The following PUS10 variants were observed in gnomAD, a reference collection of about 807,000 sequenced individuals.
The protein encoded by PUS10 is tRNA pseudouridine synthase Pus10.
PUS10 carries 59 observed loss-of-function variants against 75.0 expected under a neutral mutation model. That is an observed-to-expected ratio of 0.79 (90% confidence interval 0.64 to 0.98). PUS10 has a LOEUF of 0.98. Ranked by LOEUF, PUS10 falls within the 50% of genes least tolerant of loss-of-function variation. PUS10 has a pLI of 0.00. For missense variants in PUS10, 650 were observed against 614.4 expected (o/e 1.06, Z -0.61); for synonymous variants, 219 against 211.6 (o/e 1.03, Z -0.30).
At chr2:60,948,768 G>A (rs903473334) in intron 15 of PUS10, among the ~76,000 whole-genome samples, 1 of 152,162 alleles carries the variant, frequency 6.6e-6, no homozygotes, top group Non-Finnish European at 1.5e-5. Flanking sequence ...TTACATTTCA[G>A]ATTTTTTAGG....
intron 4 of PUS10, among the ~76,000 whole-genome samples, chr2:60,993,132 A>G (rs1457547205): frequency 1.3e-5 from 2 of 152,162 alleles, no homozygotes; most frequent in African/African-American, 4.8e-5. Context: ...GTGCTCAACT[A>G]GGGTTTTTTA....
chr2:60,946,519 G>C (rs1316779011), intron 16 of PUS10, among the ~76,000 whole-genome samples: 1 of 152,120 alleles, frequency 6.6e-6, no homozygotes, highest in African/African-American at 2.4e-5. Context: ...TAGGTAAGAA[G>C]ACTTTTAAAA....
chr2:60,962,387 C>T (rs143352903), intron 9 of PUS10, among the ~76,000 whole-genome samples: 9,446 of 152,128 alleles, frequency 0.062, 1,026 homozygotes, highest in African/African-American at 0.22. Flanking sequence ...GCCTGGCCAA[C>T]GTGGCGAAAC....
chr2:60,953,100 T>A lies in PUS10; in HGVS notation c.1205A>T (p.His402Leu). ...LQLVTREAIG[H>L]MKEGEEEKTK... ...CTTTTCTTCTTCACCTTCTTTCATA[T>A]GTCCTATTGCCTCTCTAAACAAAAA... The change falls in exon 15 of 18, where the codon CAT (histidine) becomes CTT (leucine). Residue 402 changes from histidine to leucine, a missense_variant. Coordinates refer to ENST00000316752, the MANE Select transcript of PUS10 (RefSeq NM_144709.4). 6.3e-7 allele frequency: 1 copy of A among 1,586,990 alleles called. No individual in the cohort carries two copies. The highest frequency in any genetic ancestry group is 8.7e-7 in the Non-Finnish European group (1 of 1,155,726).
At chr2:60,965,212 C>G (rs1381233870) in intron 7 of PUS10, 109 bp from the exon 8 acceptor site, 4 of 1,134,366 alleles carry the variant, frequency 3.5e-6, no homozygotes, top group Non-Finnish European at 5.3e-6. Flanking sequence ...ACATCAGGAG[C>G]AGACAAAATG....
intron 5 of PUS10, among the ~76,000 whole-genome samples, chr2:60,969,695 G>A (rs1676543411): frequency 6.6e-6 from 1 of 152,206 alleles, no homozygotes; most frequent in Non-Finnish European, 1.5e-5. Context: ...TAGGGACACT[G>A]AGGGAAAAGA....
At chr2:60,951,863 T>C (rs1339751079) in intron 15 of PUS10, among the ~76,000 whole-genome samples, 2 of 152,244 alleles carry the variant, frequency 1.3e-5, no homozygotes, top group Non-Finnish European at 2.9e-5. Context: ...TAAATATTTA[T>C]CTACCACATA....
rs753872427 is a variant in PUS10, at chr2:60,953,003, G to A, written c.1302C>T (p.Asp434=). 4.1e-6 allele frequency: 6 copies of A among 1,478,500 alleles called. No individual in the cohort carries two copies. In the Admixed American group the frequency reaches 1.0e-4, roughly 25 times the overall value. The allele number at this position is 1,478,500 out of a possible 1,614,324, so 91.6% of individuals were successfully genotyped here. Residue 434 remains aspartate (D), a synonymous_variant, in exon 15 of 18, where the codon GAC becomes GAT. Coordinates refer to ENST00000316752, the MANE Select transcript of PUS10 (RefSeq NM_144709.4). ...IQKKDIEFLN[D]IKDLKIDQKT... is the part of the protein sequence containing the mutation. ...ATAAGCACACTTAAACTACCTTTATGTCATTTAGGAATTCAATGTCTTTCT... is the reference window on the plus strand; with the variant it reads ...ATAAGCACACTTAAACTACCTTTATATCATTTAGGAATTCAATGTCTTTCT...
chr2:60,963,209 C>T (rs1676140041), intron 8 of PUS10, among the ~76,000 whole-genome samples: 1 of 152,192 alleles, frequency 6.6e-6, no homozygotes, highest in Admixed American at 6.5e-5. Flanking sequence ...AAATACAAAA[C>T]ATGATGACAC....
At chr2:61,007,854 G>A (rs1190540455) in intron 3 of PUS10, among the ~76,000 whole-genome samples, 5 of 151,542 alleles carry the variant, frequency 3.3e-5, no homozygotes, top group African/African-American at 4.9e-5. Context: ...GGGCCAAGGC[G>A]GGCGGATCAC....
chr2:60,997,899 A>G (rs746759503), intron 4 of PUS10, among the ~76,000 whole-genome samples: 3 of 152,214 alleles, frequency 2.0e-5, no homozygotes, highest in Admixed American at 6.6e-5. Context: ...TTGGTCTTAC[A>G]TGGTGGGTGA....
chr2:60,972,762 C>G (rs1460103395), intron 4 of PUS10, among the ~76,000 whole-genome samples: 1 of 152,226 alleles, frequency 6.6e-6, no homozygotes, highest in Non-Finnish European at 1.5e-5. Flanking sequence ...CGTATGTAGA[C>G]CTGTCCTTCT....
chr2:60,961,787 G>A (rs1205686203), intron 9 of PUS10, among the ~76,000 whole-genome samples: 1 of 152,158 alleles, frequency 6.6e-6, no homozygotes, highest in African/African-American at 2.4e-5. Flanking sequence ...ATCTTCCGAG[G>A]CAAAAACTGC....
chr2:60,960,226 C>T (rs1238762324), intron 11 of PUS10, among the ~76,000 whole-genome samples, 166 bp downstream of exon 11: 6 of 150,052 alleles, frequency 4.0e-5, no homozygotes, highest in Non-Finnish European at 3.0e-5. Context: ...TGCCTATAAT[C>T]CCAGGACTTT....
At chr2:60,965,001 G>C in intron 8 of PUS10, 57 bp downstream of exon 8, 1 of 1,462,182 alleles carries the variant, frequency 6.8e-7, no homozygotes. Context: ...TTGGAAATTT[G>C]AATATTCAGC....
intron 4 of PUS10, among the ~76,000 whole-genome samples, chr2:60,985,938 CAAAAAAAAAA>C (rs59173202): frequency 1.2e-5 from 1 of 82,144 alleles, no homozygotes; most frequent in African/African-American, 4.6e-5. Flanking sequence ...CAGACTTCAC[CAAAAAAAAAA>C]AAAAAAAAAA....
intron 6 of PUS10, chr2:60,966,524 A>C (rs1676352956): frequency 6.6e-6 from 1 of 152,196 alleles, no homozygotes; most frequent in African/African-American, 2.4e-5. Context: ...CACTCAACCC[A>C]CATCTTTTGT....
chr2:60,948,298 A>C (rs571692046), intron 15 of PUS10, 113 bp from the exon 16 acceptor site: 1 of 999,528 alleles, frequency 1.0e-6, no homozygotes, highest in Non-Finnish European at 1.5e-6. Context: ...CCTTGAGAGA[A>C]CTAAAATGAA....
At chr2:61,017,400 G>T in intron 1 of PUS10, 1 of 193,558 alleles carries the variant, frequency 5.2e-6, no homozygotes, top group East Asian at 1.2e-4. Context: ...CACGAGCGAA[G>T]GAGTGCGTGC....
Sources: gnomAD v4.1 joint callset for allele counts (sites outside exome capture counted in the v4.1 genomes callset) on GRCh38, gnomAD v4.1.1 for gene constraint, MANE v1.5 for transcripts, NCBI Gene and HGNC (gene_info 2026-07-23, HGNC 2026-07-21) for gene names.